The following SUSD6 variants were observed in gnomAD, a reference collection of about 807,000 sequenced individuals.
SUSD6 encodes sushi domain containing 6.
Under a neutral mutation model 28.4 loss-of-function variants are expected in SUSD6, and 16 were observed. That is an observed-to-expected ratio of 0.56 (90% CI 0.38 to 0.86). The LOEUF is 0.86. Among genes scored for constraint, SUSD6 ranks in the 40% least tolerant of loss-of-function variants. The pLI is 0.00. For synonymous variants in SUSD6, 147 were observed against 159.6 expected (o/e 0.92, Z 0.59); for missense variants, 341 against 384.2 (o/e 0.89, Z 0.94).
intron 2 of SUSD6, among the ~76,000 whole-genome samples, chr14:69,664,459 A>C (rs1302547490): frequency 6.6e-6 from 1 of 152,212 alleles, no homozygotes; most frequent in Non-Finnish European, 1.5e-5. Flanking sequence ...GTCAGCTGCA[A>C]ACCCTGTTGA....
intron 2 of SUSD6, among the ~76,000 whole-genome samples, chr14:69,696,272 A>C (rs1037782642): frequency 3.3e-5 from 5 of 152,232 alleles, no homozygotes; most frequent in African/African-American, 4.8e-5. Context: ...TATTGTCCTT[A>C]TCTGTAAAGT....
chr14:69,654,374 A>T (rs1885547527), intron 1 of SUSD6, among the ~76,000 whole-genome samples: 1 of 152,240 alleles, frequency 6.6e-6, no homozygotes, highest in African/African-American at 2.4e-5. Context: ...GTGGTGAGAC[A>T]GATAAACAAA....
At position 69,709,094 on chromosome 14, in the gene SUSD6, G is replaced by T. The variant is rs768337891; in HGVS notation, c.876G>T (p.Glu292Asp). ...IQSLLSLTSE[E>D]YTDDIPLLKE... Reference sequence around the variant, plus strand: ...GCCTTTTATCCCTCACGTCAGAGGAGTACACAGATGGTGAGTGGTCCAAGC... The same window carrying T: ...GCCTTTTATCCCTCACGTCAGAGGATTACACAGATGGTGAGTGGTCCAAGC... The change falls in exon 5 of 6, where the codon GAG becomes GAT. Residue 292 changes from glutamate (E) to aspartate (D), a missense_variant. Transcript: ENST00000342745. 1.3e-6 allele frequency: 2 copies of T among 1,585,622 alleles called. No homozygotes were observed. The highest frequency in any genetic ancestry group is 4.5e-5 in the East Asian group (2 of 44,572).
intron 2 of SUSD6, among the ~76,000 whole-genome samples, chr14:69,689,282 A>G (rs1162368436): frequency 1.3e-5 from 2 of 152,190 alleles, no homozygotes; most frequent in Non-Finnish European, 2.9e-5. Flanking sequence ...AGAGTGTAGG[A>G]CCAATATCTT....
chr14:69,694,293 TG>T, intron 2 of SUSD6, among the ~76,000 whole-genome samples: 1 of 152,368 alleles, frequency 6.6e-6, no homozygotes, highest in Non-Finnish European at 1.5e-5. Context: ...ACACTTAGTA[TG>T]TGACAGACCC....
rs1280934756 is a variant in SUSD6 at position 69,658,686 on chromosome 14, A to G, written c.94A>G (p.Thr32Ala). Residue 32 changes from threonine (T) to alanine (A), a missense_variant, in exon 2 of 6, where the codon ACC becomes GCC. Physicochemically the swap from Thr to Ala is moderately conservative, Grantham distance 58. Coordinates refer to ENST00000342745, the MANE Select transcript of SUSD6 (RefSeq NM_014734.4). ...GTTCCTTCCGCTAGTGATCCTTTGC[A>G]CCCTGCTTGGAGACGGACTTGCTTC... is the stretch of plus-strand genomic sequence containing the variant. ...GVFLPLVILC[T>A]LLGDGLASVC... is the part of the protein sequence containing the mutation. The G allele has an allele frequency of 1.2e-6, 2 of 1,613,920 alleles. No homozygotes were observed. The highest frequency in any genetic ancestry group is 1.1e-5 in the South Asian group (1 of 91,074).
At chr14:69,658,860 G>A (rs1259045234) in intron 2 of SUSD6, 147 bp downstream of exon 2, 1 of 1,047,412 alleles carries the variant, frequency 9.5e-7, no homozygotes, top group South Asian at 1.5e-5. Flanking sequence ...ATATAGCAGG[G>A]AGCCAGTCCT....
intron 1 of SUSD6, among the ~76,000 whole-genome samples, chr14:69,651,352 A>G (rs1023279641): frequency 1.3e-5 from 2 of 152,196 alleles, no homozygotes; most frequent in African/African-American, 2.4e-5. Flanking sequence ...TGGGGGTGGA[A>G]GACAAGGGCG....
At chr14:69,660,556 G>A (rs1595045804) in intron 2 of SUSD6, among the ~76,000 whole-genome samples, 1 of 152,242 alleles carries the variant, frequency 6.6e-6, no homozygotes, top group African/African-American at 2.4e-5. Context: ...CCCAAAACCA[G>A]AGGAGGCCTC....
chr14:69,663,875 A>G (rs191934307), intron 2 of SUSD6, among the ~76,000 whole-genome samples: 305 of 152,188 alleles, frequency 2.0e-3, no homozygotes, highest in Middle Eastern at 3.4e-3. Flanking sequence ...GCCTCCAGAA[A>G]ATTATTCTGA....
chr14:69,633,757 C>T (rs992809516), intron 1 of SUSD6, among the ~76,000 whole-genome samples: 1 of 152,166 alleles, frequency 6.6e-6, no homozygotes, highest in Non-Finnish European at 1.5e-5. Flanking sequence ...GGGTTTGCAG[C>T]CTCCTCAACT....
intron 2 of SUSD6, among the ~76,000 whole-genome samples, chr14:69,698,093 C>T (rs1015731813): frequency 2.0e-5 from 3 of 152,200 alleles, no homozygotes; most frequent in Non-Finnish European, 4.4e-5. Context: ...TTTGGGAGGC[C>T]GAGGCGGGCA....
intron 2 of SUSD6, among the ~76,000 whole-genome samples, chr14:69,662,811 T>C (rs535490017): frequency 6.6e-6 from 1 of 152,302 alleles, no homozygotes; most frequent in East Asian, 1.9e-4. Flanking sequence ...CTTTGTGTCT[T>C]TTGCAAAACA....
At chr14:69,693,069 G>A (rs577743456) in intron 2 of SUSD6, among the ~76,000 whole-genome samples, 20 of 152,192 alleles carry the variant, frequency 1.3e-4, no homozygotes, top group African/African-American at 3.6e-4. Flanking sequence ...GCTAATACAC[G>A]TGGAATAGCC....
At chr14:69,697,796 A>G (rs991620754) in intron 2 of SUSD6, among the ~76,000 whole-genome samples, 1 of 152,172 alleles carries the variant, frequency 6.6e-6, no homozygotes, top group Non-Finnish European at 1.5e-5. Flanking sequence ...AGGACACCCC[A>G]GGCTATTAGA....
chr14:69,651,706 G>A (rs1885506099), intron 1 of SUSD6, among the ~76,000 whole-genome samples: 1 of 152,186 alleles, frequency 6.6e-6, no homozygotes, highest in African/African-American at 2.4e-5. Flanking sequence ...TGAATTTTGG[G>A]GGGTAGGAGG....
chr14:69,638,750 A>T (rs1243118138), intron 1 of SUSD6, among the ~76,000 whole-genome samples: 3 of 152,122 alleles, frequency 2.0e-5, no homozygotes, highest in Non-Finnish European at 4.4e-5. Context: ...TGTCCTTCCT[A>T]TTCCACCTTT....
intron 1 of SUSD6, among the ~76,000 whole-genome samples, chr14:69,621,267 G>A (rs998253365): frequency 6.6e-6 from 1 of 152,176 alleles, no homozygotes; most frequent in Non-Finnish European, 1.5e-5. Context: ...GAGCCTTGAT[G>A]ACAAGGAATG....
At chr14:69,666,170 G>A (rs147876676) in intron 2 of SUSD6, among the ~76,000 whole-genome samples, 164 of 152,256 alleles carry the variant, frequency 1.1e-3, no homozygotes, top group African/African-American at 3.8e-3. Flanking sequence ...CTTGATATTC[G>A]TGAGGTTTTC....
Sources: allele counts gnomAD v4.1 joint callset (sites outside exome capture counted in the v4.1 genomes callset), GRCh38; gene constraint gnomAD v4.1.1; transcripts MANE v1.5; gene names NCBI Gene and HGNC (gene_info 2026-07-23, HGNC 2026-07-21).